SRP9: variants seen among roughly 807,000 people sequenced by gnomAD.
SRP9 encodes signal recognition particle 9 kDa protein.
Under a neutral mutation model 11.7 loss-of-function variants are expected in SRP9, and 2 were observed. The ratio of observed to expected loss-of-function variants is 0.17; its 90% CI spans 0.07 to 0.54. SRP9 has a LOEUF of 0.54. Among genes scored for constraint, SRP9 ranks in the 20% least tolerant of loss-of-function variants. SRP9 has a pLI of 0.94. For synonymous variants in SRP9, 27 were observed against 35.6 expected (o/e 0.76, Z 0.86); for missense variants, 54 against 108.1 (o/e 0.50, Z 2.22).
intron 2 of SRP9, among the ~76,000 whole-genome samples, chr1:225,784,763 A>G (rs1665869325): frequency 6.6e-6 from 1 of 151,546 alleles, no homozygotes; most frequent in African/African-American, 2.4e-5. Flanking sequence ...AATGGCATAA[A>G]CCTGGGAGGT....
At chr1:225,782,866 G>A (rs1665827052) in intron 1 of SRP9, among the ~76,000 whole-genome samples, 1 of 152,236 alleles carries the variant, frequency 6.6e-6, no homozygotes, top group African/African-American at 2.4e-5. Context: ...CTGACCTGCA[G>A]CACTGTTTGC....
chr1:225,777,834 C>T lies in SRP9; in HGVS notation c.-107C>T, dbSNP rs1447972847. On this transcript the variant is annotated 5_prime_UTR_variant, in exon 1 of 3. Transcript: ENST00000304786. ...CGTTGGTGCGAGGAGGCGCCGCCATCTTGGGGCTGCTGGGACTCGCGTCGG... is the reference window on the plus strand; with the variant it reads ...CGTTGGTGCGAGGAGGCGCCGCCATTTTGGGGCTGCTGGGACTCGCGTCGG... The T allele has an allele frequency of 1.7e-5, 19 of 1,126,042 alleles. No homozygotes were observed. The highest frequency in any genetic ancestry group is 2.5e-5 in the Non-Finnish European group (19 of 764,050). The allele number at this position is 1,126,042 out of a possible 1,614,324, so 69.8% of individuals were successfully genotyped here. A position where few individuals can be genotyped will look rare whatever the true frequency, so the allele number is the denominator to read the frequency against.
intron 2 of SRP9, among the ~76,000 whole-genome samples, chr1:225,784,415 T>C (rs1426068948): frequency 1.3e-5 from 2 of 148,820 alleles, no homozygotes; most frequent in Non-Finnish European, 3.0e-5. Context: ...CCCAGCTAAT[T>C]TTTTTTTGTA....
intron 1 of SRP9, among the ~76,000 whole-genome samples, chr1:225,779,057 T>C (rs971701942): frequency 1.3e-5 from 2 of 152,120 alleles, no homozygotes; most frequent in Non-Finnish European, 2.9e-5. Flanking sequence ...TCCAGTGTAT[T>C]GTGACTGTAT....
chr1:225,785,447 A>G (rs539828551), intron 2 of SRP9, among the ~76,000 whole-genome samples: 1 of 145,246 alleles, frequency 6.9e-6, no homozygotes. Context: ...CAGTGGCGCA[A>G]TCTCGGCTCA....
intron 2 of SRP9, among the ~76,000 whole-genome samples, chr1:225,785,000 T>C (rs1403410919): frequency 6.6e-6 from 1 of 151,882 alleles, no homozygotes; most frequent in Non-Finnish European, 1.5e-5. Flanking sequence ...GGTCTTGAAC[T>C]CCTGGCTTCA....
At chr1:225,782,339 A>G (rs1665817187) in intron 1 of SRP9, among the ~76,000 whole-genome samples, 1 of 151,400 alleles carries the variant, frequency 6.6e-6, no homozygotes, top group Non-Finnish European at 1.5e-5. Flanking sequence ...AATTTTTTGT[A>G]TTTTTTAGTA....
At chr1:225,780,178 ATTTTTTT>A (rs67816765) in intron 1 of SRP9, among the ~76,000 whole-genome samples, 19 of 130,172 alleles carry the variant, frequency 1.5e-4, no homozygotes, top group South Asian at 5.0e-4. Context: ...TGCCTGCCTA[ATTTTTTT>A]TTTTTTTTTT....
Position 225,790,180 on chromosome 1 carries a change from C to T in SRP9, c.*821C>T, listed in dbSNP as rs186531623. 481 of 152,326 alleles carry T rather than the reference C, an allele frequency of 3.2e-3. No individual in the cohort carries two copies. Among genetic ancestry groups the T allele is most frequent in the African/African-American group, 0.011 (449 of 41,576 alleles). 9.4% of individuals were successfully genotyped at this position (152,326 alleles called of 1,614,324 possible). A position where few individuals can be genotyped will look rare whatever the true frequency, so the allele number is the denominator to read the frequency against. ...GTCAAATCCTTGCATACTTCTGTGA[C>T]ACCCCTGCCCATTTTCTGTCTTTAA... On this transcript the variant is annotated 3_prime_UTR_variant, in exon 3 of 3. Coordinates refer to ENST00000304786, the MANE Select transcript of SRP9 (RefSeq NM_003133.6).
intron 2 of SRP9, 108 bp from the exon 3 acceptor site, chr1:225,789,132 C>CA (rs1559007059): frequency 6.4e-7 from 1 of 1,551,632 alleles, no homozygotes; most frequent in Admixed American, 2.0e-5. Flanking sequence ...GAGAATAGAG[C>CA]AAAACAGTGG....
intron 1 of SRP9, among the ~76,000 whole-genome samples, chr1:225,778,556 T>C (rs1665730728): frequency 6.6e-6 from 1 of 152,042 alleles, no homozygotes; most frequent in African/African-American, 2.4e-5. Flanking sequence ...AGAAAAATGG[T>C]ATAAGTAAAT....
At chr1:225,786,279 T>G (rs1410174778) in intron 2 of SRP9, among the ~76,000 whole-genome samples, 1 of 152,258 alleles carries the variant, frequency 6.6e-6, no homozygotes, top group Non-Finnish European at 1.5e-5. Context: ...GTATCACAAT[T>G]CTTTTATCAC....
intron 2 of SRP9, chr1:225,786,730 T>C (rs543701759): frequency 1.0e-4 from 110 of 1,096,788 alleles, no homozygotes; most frequent in Admixed American, 8.0e-4. Flanking sequence ...AATTTCCTCA[T>C]CTGTAAAGTA....
intron 1 of SRP9, among the ~76,000 whole-genome samples, chr1:225,778,497 G>C (rs1218455045): frequency 6.6e-6 from 1 of 152,210 alleles, no homozygotes; most frequent in African/African-American, 2.4e-5. Context: ...TTAGTATTTT[G>C]GGAGTCACAG....
chr1:225,789,006 T>A, intron 2 of SRP9: 1 of 1,550,144 alleles, frequency 6.5e-7, no homozygotes, highest in Admixed American at 2.0e-5. Context: ...AAGCTTCTAA[T>A]AGACTTCATT....
chr1:225,779,226 C>T (rs1205461965), intron 1 of SRP9, among the ~76,000 whole-genome samples: 1 of 151,434 alleles, frequency 6.6e-6, no homozygotes, highest in Non-Finnish European at 1.5e-5. Flanking sequence ...CTCGCTGCAA[C>T]CTCCACTTCC....
chr1:225,783,462 C>A, intron 2 of SRP9, 94 bp downstream of exon 2: 1 of 965,314 alleles, frequency 1.0e-6, no homozygotes, highest in Non-Finnish European at 1.6e-6. Flanking sequence ...GGAGATTACC[C>A]ATTAGGATGC....
At chr1:225,778,033 C>G (rs1414761480) in intron 1 of SRP9, 21 bp downstream of exon 1, 2 of 1,613,846 alleles carry the variant, frequency 1.2e-6, no homozygotes, top group Non-Finnish European at 1.7e-6. Context: ...GGCGGGGCCG[C>G]TGCTTTGGGC....
At chr1:225,789,052 T>C (rs1199999854) in intron 2 of SRP9, 188 bp from the exon 3 acceptor site, 2 of 1,551,078 alleles carry the variant, frequency 1.3e-6, no homozygotes, top group Admixed American at 3.9e-5. Context: ...TTTAAATTAC[T>C]GTACTTTAAG....
Sources: gnomAD v4.1 joint callset for allele counts (sites outside exome capture counted in the v4.1 genomes callset) on GRCh38, gnomAD v4.1.1 for gene constraint, MANE v1.5 for transcripts, NCBI Gene and HGNC (gene_info 2026-07-23, HGNC 2026-07-21) for gene names.